FRMPD3: variants seen among roughly 807,000 people sequenced by gnomAD.
FRMPD3 encodes FERM and PDZ domain containing 3.
FRMPD3 carries 42 observed loss-of-function variants against 97.9 expected under a neutral mutation model. The observed-to-expected ratio is 0.43, with a 90% CI of 0.34 to 0.55. FRMPD3 has a LOEUF of 0.55. Ranked by LOEUF, FRMPD3 falls within the 20% of genes least tolerant of loss-of-function variation. The probability of loss-of-function intolerance (pLI) is 0.03; values close to 1 mark genes in which losing one functional copy is unlikely to be tolerated. For missense variants in FRMPD3, 1,303 were observed against 1,457.7 expected (o/e 0.89, Z 1.73); for synonymous variants, 577 against 581.1 (o/e 0.99, Z 0.10).
intron 2 of FRMPD3, among the ~76,000 whole-genome samples, chrX:107,528,824 T>G (rs1452253013): frequency 8.9e-6 from 1 of 112,882 alleles, no homozygotes; most frequent in Admixed American, 9.3e-5. Context: ...GCCAGTGCAC[T>G]GTCAGGAGAC....
chrX:107,534,997 C>T (rs1274506435), intron 4 of FRMPD3, among the ~76,000 whole-genome samples: 1 of 112,282 alleles, frequency 8.9e-6, no homozygotes, highest in Non-Finnish European at 1.9e-5. Context: ...TGCATGTGTG[C>T]AGTTGCCTAG....
At chrX:107,593,724 T>G (rs1924021472) in intron 13 of FRMPD3, among the ~76,000 whole-genome samples, 1 of 111,887 alleles carries the variant, frequency 8.9e-6, no homozygotes, top group African/African-American at 3.2e-5. Flanking sequence ...GGTTTATTTT[T>G]GGGTTCTCTA....
chrX:107,531,898 A>T (rs1401979717), intron 3 of FRMPD3, among the ~76,000 whole-genome samples: 1 of 111,782 alleles, frequency 8.9e-6, no homozygotes, highest in African/African-American at 3.3e-5. Context: ...TTCAGGGTTA[A>T]AGCAGAGCAC....
intron 10 of FRMPD3, 126 bp downstream of exon 10, chrX:107,560,979 A>C (rs1382009415): frequency 1.2e-5 from 9 of 759,821 alleles, no homozygotes; most frequent in African/African-American, 4.3e-5. Context: ...TCAGGTGCAC[A>C]TACGGCTTGG....
At position 107,603,722 on chromosome X, in the gene FRMPD3, AG is replaced by A; in HGVS notation, c.*350del. ...CTCAATCCGTGTTGGGCGCTGGGGGAGCCAGGGCCTGAAGCAAGCGGACCCT... is the reference window on the plus strand; with the variant it reads ...CTCAATCCGTGTTGGGCGCTGGGGGACCAGGGCCTGAAGCAAGCGGACCCT... On this transcript the variant is annotated 3_prime_UTR_variant, in exon 15 of 15. Coordinates refer to ENST00000683843, the MANE Select transcript of FRMPD3 (RefSeq NM_001388459.1). 2 of 169,408 alleles carry A rather than the reference AG, an allele frequency of 1.2e-5. No homozygotes were observed. The highest frequency in any genetic ancestry group is 7.1e-5 in the Admixed American group (1 of 14,132). The allele number at this position is 169,408 out of a possible 1,213,427, so 14.0% of individuals were successfully genotyped here.
chrX:107,474,985 T>C (rs774618701), intron 1 of FRMPD3, among the ~76,000 whole-genome samples: 1 of 111,554 alleles, frequency 9.0e-6, no homozygotes, highest in African/African-American at 3.3e-5. Flanking sequence ...CGGGTGTATA[T>C]TTCAAAATCT....
intron 1 of FRMPD3, among the ~76,000 whole-genome samples, chrX:107,488,291 T>C (rs745564707): frequency 1.8e-5 from 2 of 112,181 alleles, no homozygotes; most frequent in African/African-American, 6.5e-5. Flanking sequence ...CTGAATGGCC[T>C]CATCATTATG....
intron 1 of FRMPD3, among the ~76,000 whole-genome samples, chrX:107,518,848 A>G (rs752418823): frequency 3.5e-5 from 4 of 112,699 alleles, no homozygotes; most frequent in Non-Finnish European, 5.6e-5. Context: ...GCATCAACAG[A>G]TTAATAAAAT....
intron 1 of FRMPD3, among the ~76,000 whole-genome samples, chrX:107,501,470 G>A (rs1921906723): frequency 9.0e-5 from 1 of 11,051 alleles, no homozygotes; most frequent in Non-Finnish European, 1.5e-4. Context: ...CCGGGTTCAC[G>A]CCATTCTCCT....
At chrX:107,570,693 C>A (rs910208990) in intron 12 of FRMPD3, among the ~76,000 whole-genome samples, 1 of 111,551 alleles carries the variant, frequency 9.0e-6, no homozygotes, top group Non-Finnish European at 1.9e-5. Context: ...TATACTGATC[C>A]CTTGGGTCTC....
At chrX:107,450,205 GC>G (rs1245793144) in intron 1 of FRMPD3, among the ~76,000 whole-genome samples, 200 bp downstream of exon 1, 1 of 111,263 alleles carries the variant, frequency 9.0e-6, no homozygotes, top group Non-Finnish European at 1.9e-5. Flanking sequence ...CCCGTTGCGT[GC>G]CCACTGCCCC....
intron 12 of FRMPD3, among the ~76,000 whole-genome samples, chrX:107,570,114 A>G (rs1922813766): frequency 1.0e-5 from 1 of 97,387 alleles, no homozygotes; most frequent in Non-Finnish European, 2.0e-5. Flanking sequence ...GAGAGAGAAA[A>G]AGAGAGCGAG....
At chrX:107,535,964 C>T (rs1237118382) in intron 4 of FRMPD3, among the ~76,000 whole-genome samples, 1 of 111,397 alleles carries the variant, frequency 9.0e-6, no homozygotes, top group African/African-American at 3.3e-5. Flanking sequence ...CAAAGGATTC[C>T]TCGTGTTGTC....
intron 11 of FRMPD3, among the ~76,000 whole-genome samples, chrX:107,563,602 C>T (rs1469112258): frequency 2.7e-5 from 3 of 112,381 alleles, no homozygotes; most frequent in African/African-American, 6.5e-5. Flanking sequence ...TTTATGGATA[C>T]GAAAATTTGA....
At chrX:107,479,039 C>A (rs1222586932) in intron 1 of FRMPD3, among the ~76,000 whole-genome samples, 1 of 112,913 alleles carries the variant, frequency 8.9e-6, no homozygotes, top group Non-Finnish European at 1.9e-5. Flanking sequence ...AAGCCCCCCA[C>A]TTGGCTGTGG....
chrX:107,583,530 A>G (rs973488655), intron 13 of FRMPD3, among the ~76,000 whole-genome samples: 3 of 112,136 alleles, frequency 2.7e-5, no homozygotes, highest in African/African-American at 6.5e-5. Flanking sequence ...GCTATTGTAA[A>G]TAGTGCTACA....
intron 1 of FRMPD3, among the ~76,000 whole-genome samples, chrX:107,467,753 A>G (rs1931599195): frequency 9.0e-6 from 1 of 110,865 alleles, no homozygotes; most frequent in African/African-American, 3.3e-5. Context: ...TGAGGCCTGC[A>G]GTATTATTCC....
intron 7 of FRMPD3, among the ~76,000 whole-genome samples, chrX:107,554,011 G>T (rs974782924): frequency 9.0e-6 from 1 of 111,203 alleles, no homozygotes; most frequent in African/African-American, 3.3e-5. Flanking sequence ...AATTTACTCT[G>T]CTTGAGGCTG....
At chrX:107,479,123 C>T (rs2147516412) in intron 1 of FRMPD3, among the ~76,000 whole-genome samples, 1 of 112,522 alleles carries the variant, frequency 8.9e-6, no homozygotes, top group Admixed American at 9.4e-5. Flanking sequence ...TCTGTGGCAT[C>T]ACAGTGCTGG....
Sources: allele counts gnomAD v4.1 joint callset (sites outside exome capture counted in the v4.1 genomes callset), GRCh38; gene constraint gnomAD v4.1.1; transcripts MANE v1.5; gene names NCBI Gene and HGNC (gene_info 2026-07-23, HGNC 2026-07-21).